Variants in MLEC observed in about 807,000 individuals in gnomAD.
MLEC encodes the protein malectin.
Under a neutral mutation model 28.7 loss-of-function variants are expected in MLEC, and 7 were observed. The ratio of observed to expected loss-of-function variants is 0.24; its 90% CI spans 0.14 to 0.46. The LOEUF (loss-of-function observed/expected upper bound fraction) is 0.46, where lower values mean the gene tolerates loss of function less well. Ranked by LOEUF, MLEC falls within the 20% of genes least tolerant of loss-of-function variation. MLEC has a pLI of 0.99. For missense variants in MLEC, 237 were observed against 391.1 expected (o/e 0.61, Z 3.32); for synonymous variants, 142 against 164.4 (o/e 0.86, Z 1.04).
In MLEC at chr12:120,693,416, T is replaced by A. The variant is rs78370094; in HGVS notation, c.236-675T>A. Among the ~76,000 whole-genome samples the A allele has an allele frequency of 6.0e-3, 910 of 152,312 alleles. 14 individuals are homozygous for A. The highest frequency in any genetic ancestry group is 0.021 in the African/African-American group (879 of 41,564). ...TGCTGTTGGTTTATCTGAGTGAATG[T>A]TCAAGTAAGTAGGTGAGGTGGAGTT... On this transcript the variant is annotated intron_variant, in intron 1 of 4. Transcript: ENST00000228506.
chr12:120,697,473 T>C lies in MLEC; in HGVS notation c.*928T>C. On this transcript the variant is annotated 3_prime_UTR_variant, in exon 5 of 5. Transcript: ENST00000228506. The surrounding 1 kb of genome is among the most constrained non-coding windows in gnomAD (Gnocchi z 4.8). ...CTCACCTTGTTGGTACCTCCCTCCC[T>C]GGATCTCTGAGCCAGCAGCCAGGAG... 1 of 152,802 alleles carries C rather than the reference T, an allele frequency of 6.5e-6. No individual in the cohort carries two copies. 9.5% of individuals were successfully genotyped at this position (152,802 alleles called of 1,614,324 possible).
intron 1 of MLEC, among the ~76,000 whole-genome samples, chr12:120,688,591 C>T (rs1339381275): frequency 6.6e-6 from 1 of 152,248 alleles, no homozygotes; most frequent in Non-Finnish European, 1.5e-5. Flanking sequence ...CAGTATGCCA[C>T]CTCCAGACAA....
At chr12:120,692,187 AC>A (rs1273832708) in intron 1 of MLEC, among the ~76,000 whole-genome samples, 5 of 152,246 alleles carry the variant, frequency 3.3e-5, no homozygotes, top group South Asian at 4.1e-4. Context: ...AAACAAAAAA[AC>A]AATTCCCCAC....
In MLEC at chr12:120,687,244, C is replaced by A; in HGVS notation, c.-53C>A. 7.4e-7 allele frequency: 1 copy of A among 1,349,428 alleles called. No homozygotes were observed. Among genetic ancestry groups the A allele is most frequent in the Non-Finnish European group, 9.5e-7 (1 of 1,057,078 alleles). 83.6% of individuals were successfully genotyped at this position (1,349,428 alleles called of 1,614,324 possible). A position where few individuals can be genotyped will look rare whatever the true frequency, so the allele number is the denominator to read the frequency against. On this transcript the variant is annotated 5_prime_UTR_variant, in exon 1 of 5. Coordinates refer to ENST00000228506, the MANE Select transcript of MLEC (RefSeq NM_014730.4). This position sits in a 1 kb window ranked among gnomAD's most constrained non-coding sequence, Gnocchi z 8.1. ...TTTTTCTGAGTCCGGGGTGGCCTGG[C>A]AGCCGGCCGAGGACGAGGGTCGGCG...
rs540039541 is a variant in MLEC, at chr12:120,687,176, C to T, written c.-121C>T. On this transcript the variant is annotated 5_prime_UTR_variant, in exon 1 of 5. Transcript: ENST00000228506. This position sits in a 1 kb window ranked among gnomAD's most constrained non-coding sequence, Gnocchi z 8.1. Reference sequence around the variant, plus strand: ...GGCTGAGAAGAAGGAGGCCTGAGAGCGACATGTCCCCGGCGGCTCAGGCGG... The same window carrying T: ...GGCTGAGAAGAAGGAGGCCTGAGAGTGACATGTCCCCGGCGGCTCAGGCGG... The T allele has an allele frequency of 3.0e-5, 33 of 1,117,772 alleles. 1 individual carries two copies. The South Asian group carries it at 6.7e-4, about 23-fold the overall frequency. The allele number at this position is 1,117,772 out of a possible 1,614,324, so 69.2% of individuals were successfully genotyped here. A position where few individuals can be genotyped will look rare whatever the true frequency, so the allele number is the denominator to read the frequency against.
Position 120,687,592 on chromosome 12 carries a change from G to C in MLEC, c.235+61G>C. 2 of 1,299,298 alleles carry C rather than the reference G, an allele frequency of 1.5e-6. No homozygotes were observed. Among genetic ancestry groups the C allele is most frequent in the Non-Finnish European group, 2.0e-6 (2 of 980,814 alleles). 80.5% of individuals were successfully genotyped at this position (1,299,298 alleles called of 1,614,324 possible). On this transcript the variant is annotated intron_variant, in intron 1 of 4. Transcript: ENST00000228506. The surrounding 1 kb of genome is among the most constrained non-coding windows in gnomAD (Gnocchi z 8.1). ...CCTGCTGTGCTGGGCGCAGCCGGCC[G>C]GGGGCTGCGGGCCCCGAGCCCCTTT...
chr12:120,687,378 G>C lies in MLEC; in HGVS notation c.82G>C (p.Gly28Arg), dbSNP rs759327396. 1.5e-6 allele frequency: 2 copies of C among 1,371,976 alleles called. No individual in the cohort carries two copies. The highest frequency in any genetic ancestry group is 1.5e-5 in the African/African-American group (1 of 65,834). The allele number at this position is 1,371,976 out of a possible 1,614,324, so 85.0% of individuals were successfully genotyped here. A position where few individuals can be genotyped will look rare whatever the true frequency, so the allele number is the denominator to read the frequency against. ...LLLLLPPAIR[G>R]PGLGVAGVAG... ...GCTGCTGCTGCCGCCGGCGATCCGGGGACCCGGGCTCGGCGTGGCCGGCGT... is the reference window on the plus strand; with the variant it reads ...GCTGCTGCTGCCGCCGGCGATCCGGCGACCCGGGCTCGGCGTGGCCGGCGT... Residue 28 changes from glycine to arginine, a missense_variant, in exon 1 of 5, where the codon GGA (glycine) becomes CGA (arginine). Transcript: ENST00000228506. The surrounding 1 kb of genome is among the most constrained non-coding windows in gnomAD (Gnocchi z 8.1).
chr12:120,694,632 A>G lies in MLEC; in HGVS notation c.415-192A>G, dbSNP rs1432075505. ...CTTTGTTCCTTAAAGCCAATATAAG[A>G]ACTCCTGGGCAGTGAAGGAACACGG... On this transcript the variant is annotated intron_variant, in intron 2 of 4. Transcript: ENST00000228506. This position sits in a 1 kb window ranked among gnomAD's most constrained non-coding sequence, Gnocchi z 4.5. Among the ~76,000 whole-genome samples, 1 of 152,180 alleles carries G rather than the reference A, an allele frequency of 6.6e-6. No homozygotes were observed. Among genetic ancestry groups the G allele is most frequent in the Non-Finnish European group, 1.5e-5 (1 of 68,030 alleles).
At chr12:120,690,538 T>C (rs1402518071) in intron 1 of MLEC, among the ~76,000 whole-genome samples, 1 of 152,244 alleles carries the variant, frequency 6.6e-6, no homozygotes, top group Non-Finnish European at 1.5e-5. Flanking sequence ...AAATTTCTGA[T>C]AAGACTGTAA....
Position 120,696,364 on chromosome 12 carries a change from A to C in MLEC, c.698A>C (p.Glu233Ala). 3 of 1,608,978 alleles carry C rather than the reference A, an allele frequency of 1.9e-6. No individual in the cohort carries two copies. The highest frequency in any genetic ancestry group is 1.1e-5 in the South Asian group (1 of 90,704). ...PHPGLEKKEE[E>A]EEEEEYDEGS... ...CCGGGATTGGAGAAGAAAGAAGAGG[A>C]AGAAGAAGAAGAAGAATATGATGAA... The change falls in exon 5 of 5, where the codon GAA becomes GCA. Residue 233 changes from glutamate (E) to alanine (A), a missense_variant. Glu to Ala is a moderately radical substitution (Grantham distance 107). Coordinates refer to ENST00000228506, the MANE Select transcript of MLEC (RefSeq NM_014730.4). This position sits in a 1 kb window ranked among gnomAD's most constrained non-coding sequence, Gnocchi z 5.4.
At chr12:120,690,268 C>G (rs1036530227) in intron 1 of MLEC, among the ~76,000 whole-genome samples, 1 of 152,138 alleles carries the variant, frequency 6.6e-6, no homozygotes, top group Admixed American at 6.5e-5. Context: ...ACCTTGGCCT[C>G]CCAAACTGCT....
chr12:120,694,178 C>A lies in MLEC; in HGVS notation c.323C>A (p.Thr108Asn), dbSNP rs1176394419. 1 of 1,614,048 alleles carries A rather than the reference C, an allele frequency of 6.2e-7. No homozygotes were observed. Among genetic ancestry groups the A allele is most frequent in the Non-Finnish European group, 8.5e-7 (1 of 1,180,042 alleles). ...CAAACTGAGCGGTACAATGAGGAGACCTTTGGCTACGAAGTGCCCATCAAA... is the reference window on the plus strand; with the variant it reads ...CAAACTGAGCGGTACAATGAGGAGAACTTTGGCTACGAAGTGCCCATCAAA... ...LYQTERYNEE[T>N]FGYEVPIKEE... Residue 108 changes from threonine to asparagine, a missense_variant, in exon 2 of 5, where the codon ACC (threonine) becomes AAC (asparagine). Transcript: ENST00000228506. This position sits in a 1 kb window ranked among gnomAD's most constrained non-coding sequence, Gnocchi z 4.5.
At chr12:120,690,896 A>G (rs2005455) in intron 1 of MLEC, among the ~76,000 whole-genome samples, 62,162 of 152,038 alleles carry the variant, frequency 0.41, 12,909 homozygotes, top group South Asian at 0.54. Flanking sequence ...GGCCTTCCAA[A>G]TAGTGGAAGT....
In MLEC at chr12:120,700,182, G is replaced by T. The variant is rs1165082514; in HGVS notation, c.*3637G>T. The T allele has an allele frequency of 6.5e-6, 1 of 152,732 alleles. No individual in the cohort carries two copies. Among genetic ancestry groups the T allele is most frequent in the Non-Finnish European group, 1.5e-5 (1 of 68,100 alleles). 9.5% of individuals were successfully genotyped at this position (152,732 alleles called of 1,614,324 possible). A position where few individuals can be genotyped will look rare whatever the true frequency, so the allele number is the denominator to read the frequency against. On this transcript the variant is annotated 3_prime_UTR_variant, in exon 5 of 5. Coordinates refer to ENST00000228506, the MANE Select transcript of MLEC (RefSeq NM_014730.4). The surrounding 1 kb of genome is among the most constrained non-coding windows in gnomAD (Gnocchi z 4.0). Reference sequence around the variant, plus strand: ...AAGGACCCACCCCGGTCAGCACAGTGCCTTTTCCTCTCCTGCTCTGAGCCA... The same window carrying T: ...AAGGACCCACCCCGGTCAGCACAGTTCCTTTTCCTCTCCTGCTCTGAGCCA...
chr12:120,692,447 T>G (rs1224848932), intron 1 of MLEC, among the ~76,000 whole-genome samples: 1 of 152,022 alleles, frequency 6.6e-6, no homozygotes, highest in Non-Finnish European at 1.5e-5. Context: ...TGAGGAGAAA[T>G]AGAAAGAAAA....
chr12:120,687,344 ACTGCTG>A lies in MLEC; in HGVS notation c.62_67del (p.Leu21_Leu22del). The A allele has an allele frequency of 2.9e-6, 4 of 1,389,746 alleles. No individual in the cohort carries two copies. Among genetic ancestry groups the A allele is most frequent in the South Asian group, 1.7e-5 (1 of 57,384 alleles). The allele number at this position is 1,389,746 out of a possible 1,614,324, so 86.1% of individuals were successfully genotyped here. On this transcript the variant is annotated inframe_deletion, in exon 1 of 5. Transcript: ENST00000228506. The surrounding 1 kb of genome is among the most constrained non-coding windows in gnomAD (Gnocchi z 8.1). ...AGGGAACCGCTGTGGCGCTCCTGCG[ACTGCTG>A]CTGCTGCTGCTGCCGCCGGCGATCC...
Position 120,694,189 on chromosome 12 carries a change from G to A in MLEC, c.334G>A (p.Glu112Lys), listed in dbSNP as rs373698097. 2.5e-6 allele frequency: 4 copies of A among 1,614,188 alleles called. No homozygotes were observed. Among genetic ancestry groups the A allele is most frequent in the East Asian group, 2.2e-5 (1 of 44,880 alleles). Reference protein sequence around the residue: ...ERYNEETFGYEVPIKEEGDYV... With the variant: ...ERYNEETFGYKVPIKEEGDYV... ...GTACAATGAGGAGACCTTTGGCTAC[G>A]AAGTGCCCATCAAAGAGGAGGGGGA... The change falls in exon 2 of 5, where the codon GAA becomes AAA. Residue 112 changes from glutamate (E) to lysine (K), a missense_variant. Physicochemically the swap from Glu to Lys is moderately conservative, Grantham distance 56. Coordinates refer to ENST00000228506, the MANE Select transcript of MLEC (RefSeq NM_014730.4). The surrounding 1 kb of genome is among the most constrained non-coding windows in gnomAD (Gnocchi z 4.5).
rs1882268367 is a variant in MLEC at position 120,696,992 on chromosome 12, G to C, written c.*447G>C. 1 of 158,024 alleles carries C rather than the reference G, an allele frequency of 6.3e-6. No individual in the cohort carries two copies. Among genetic ancestry groups the C allele is most frequent in the African/African-American group, 2.4e-5 (1 of 41,462 alleles). 9.8% of individuals were successfully genotyped at this position (158,024 alleles called of 1,614,324 possible). A position where few individuals can be genotyped will look rare whatever the true frequency, so the allele number is the denominator to read the frequency against. On this transcript the variant is annotated 3_prime_UTR_variant, in exon 5 of 5. Transcript: ENST00000228506. This position sits in a 1 kb window ranked among gnomAD's most constrained non-coding sequence, Gnocchi z 5.4. ...GAAGTTATGTCTAGATAAGACTTCA[G>C]ACGTCCTGGGATTGAAAGAATGTGT...
chr12:120,687,426 C>T lies in MLEC; in HGVS notation c.130C>T (p.Leu44=). ...AGVAGAAGAG[L]PESVIWAVNA... is the part of the protein sequence containing the mutation. ...CGTGGCCGGCGCGGCGGGGGCCGGG[C>T]TGCCCGAGAGCGTCATTTGGGCGGT... is the stretch of plus-strand genomic sequence containing the variant. Residue 44 remains leucine (L), a synonymous_variant, in exon 1 of 5, where the codon CTG becomes TTG. Transcript: ENST00000228506. This position sits in a 1 kb window ranked among gnomAD's most constrained non-coding sequence, Gnocchi z 8.1. 1 of 1,399,002 alleles carries T rather than the reference C, an allele frequency of 7.1e-7. No homozygotes were observed. 86.7% of individuals were successfully genotyped at this position (1,399,002 alleles called of 1,614,324 possible).
Sources: gnomAD v4.1 joint callset for allele counts (sites outside exome capture counted in the v4.1 genomes callset) on GRCh38, gnomAD v4.1.1 for gene constraint, Gnocchi (gnomAD v3.1) non-coding constraint, MANE v1.5 for transcripts, NCBI Gene and HGNC (gene_info 2026-07-23, HGNC 2026-07-21) for gene names.